The following ADAD1 variants were observed in gnomAD, a reference collection of about 807,000 sequenced individuals.
ADAD1 encodes the protein adenosine deaminase domain containing 1.
ADAD1 carries 46 observed loss-of-function variants against 66.8 expected under a neutral mutation model. The observed-to-expected ratio is 0.69, with a 90% CI of 0.54 to 0.88. The LOEUF (loss-of-function observed/expected upper bound fraction) is 0.88, where lower values mean the gene tolerates loss of function less well. ADAD1 is among the 40% of genes least tolerant of loss of function. The pLI, the probability that ADAD1 is intolerant of heterozygous loss-of-function variation, is 0.00. For missense variants in ADAD1, 617 were observed against 681.8 expected (o/e 0.91, Z 1.06); for synonymous variants, 248 against 229.4 (o/e 1.08, Z -0.73).
chr4:122,390,426 TCTC>T (rs2150543654), intron 5 of ADAD1, among the ~76,000 whole-genome samples: 1 of 152,318 alleles, frequency 6.6e-6, no homozygotes, highest in East Asian at 1.9e-4. Context: ...TTGTGGAAGT[TCTC>T]CTGGATAACA....
chr4:122,380,622 G>A (rs995753453), intron 3 of ADAD1: 1 of 298,160 alleles, frequency 3.4e-6, no homozygotes, highest in African/African-American at 2.2e-5. Flanking sequence ...GAGAAAATGA[G>A]TGGATGGGAG....
chr4:122,417,337 TA>T (rs78147212), intron 11 of ADAD1, among the ~76,000 whole-genome samples: 6,220 of 94,040 alleles, frequency 0.066, 342 homozygotes, highest in African/African-American at 0.2. Context: ...CCTCCATCTT[TA>T]AAAAAAAAAA....
chr4:122,380,268 GAGTC>G (rs764678699), intron 3 of ADAD1, 27 bp downstream of exon 3: 10 of 1,587,446 alleles, frequency 6.3e-6, no homozygotes, highest in Non-Finnish European at 6.0e-6. Flanking sequence ...TTGTAACAAT[GAGTC>G]AGTTCTTTAA....
Position 122,419,302 on chromosome 4 carries a change from C to A in ADAD1, c.1488-1959C>A, listed in dbSNP as rs762106783. 7.4e-4 allele frequency among the ~76,000 whole-genome samples: 113 copies of A among 152,312 alleles called. 1 individual carries two copies. Among genetic ancestry groups the A allele is most frequent in the East Asian group, 3.9e-4 (2 of 5,184 alleles). ...AACAGAAAACCAAATCTCGCATGTT[C>A]TCTCTTATAAGTAGGAGCTAAATGA... On this transcript the variant is annotated intron_variant, in intron 11 of 12. Transcript: ENST00000296513.
chr4:122,383,432 G>A (rs577269579), intron 4 of ADAD1, among the ~76,000 whole-genome samples: 101 of 152,304 alleles, frequency 6.6e-4, no homozygotes, highest in Middle Eastern at 3.4e-3. Context: ...AAAGATGTGA[G>A]ATGTTACGTG....
chr4:122,393,876 C>A (rs1481594470), intron 6 of ADAD1, among the ~76,000 whole-genome samples: 1 of 151,608 alleles, frequency 6.6e-6, no homozygotes, highest in African/African-American at 2.4e-5. Flanking sequence ...TTTTTTTTTC[C>A]TATAAGGAGA....
chr4:122,429,065 T>C (rs1193124585), intron 12 of ADAD1, among the ~76,000 whole-genome samples: 1 of 151,972 alleles, frequency 6.6e-6, no homozygotes, highest in Non-Finnish European at 1.5e-5. Flanking sequence ...TCCTTCTTTA[T>C]ATTTTGTCTG....
chr4:122,426,140 T>A (rs1226139700), intron 12 of ADAD1, among the ~76,000 whole-genome samples: 2 of 152,022 alleles, frequency 1.3e-5, no homozygotes, highest in African/African-American at 4.8e-5. Flanking sequence ...TAACACAAAT[T>A]ATCAAAATCT....
At chr4:122,412,082 A>G (rs562405428) in intron 9 of ADAD1, among the ~76,000 whole-genome samples, 1 of 152,290 alleles carries the variant, frequency 6.6e-6, no homozygotes, top group South Asian at 2.1e-4. Context: ...CTGACCATCT[A>G]GTGGTAAACA....
At chr4:122,384,320 G>C (rs541932421) in intron 5 of ADAD1, among the ~76,000 whole-genome samples, 1 of 152,294 alleles carries the variant, frequency 6.6e-6, no homozygotes, top group African/African-American at 2.4e-5. Context: ...CGTTTGTGAA[G>C]TTTATGTTAA....
intron 12 of ADAD1, among the ~76,000 whole-genome samples, chr4:122,425,836 C>A (rs1230687951): frequency 6.6e-6 from 1 of 151,676 alleles, no homozygotes; most frequent in Non-Finnish European, 1.5e-5. Context: ...CCCATGGATA[C>A]CAAGGAATGA....
intron 11 of ADAD1, among the ~76,000 whole-genome samples, chr4:122,420,314 G>C (rs918811255): frequency 6.6e-6 from 1 of 152,134 alleles, no homozygotes; most frequent in African/African-American, 2.4e-5. Context: ...GGATTTTCTT[G>C]GGCTTTCCCA....
In ADAD1 at chr4:122,407,957, C is replaced by T. The variant is rs1796292234; in HGVS notation, c.774C>T (p.Ser258=). 6.2e-7 allele frequency: 1 copy of T among 1,613,616 alleles called. No individual in the cohort carries two copies. The highest frequency in any genetic ancestry group is 8.5e-7 in the Non-Finnish European group (1 of 1,179,802). The change falls in exon 8 of 13, where the codon AGC becomes AGT. Residue 258 remains serine, a synonymous_variant. Transcript: ENST00000296513. ...TAGGCACAGGTGAATACAATTACAG[C>T]CAGGACATTAAGCCAGATGGAAGAG... ...VAIGTGEYNY[S]QDIKPDGRVL... is the part of the protein sequence containing the mutation.
chr4:122,414,829 T>C (rs1045493933), intron 10 of ADAD1, among the ~76,000 whole-genome samples: 4 of 152,182 alleles, frequency 2.6e-5, no homozygotes, highest in Admixed American at 6.5e-5. Flanking sequence ...TCTCCTTCAA[T>C]AATTATTATA....
chr4:122,424,052 A>G (rs563400404), intron 12 of ADAD1, among the ~76,000 whole-genome samples: 56 of 152,376 alleles, frequency 3.7e-4, no homozygotes, highest in Middle Eastern at 3.4e-3. Flanking sequence ...CCCAAAGGGC[A>G]GTATAATGGC....
At chr4:122,418,344 C>T (rs570318111) in intron 11 of ADAD1, among the ~76,000 whole-genome samples, 24 of 124,366 alleles carry the variant, frequency 1.9e-4, no homozygotes, top group Non-Finnish European at 3.7e-4. Flanking sequence ...GAGTCTTGCT[C>T]TGTCGCCCAG....
chr4:122,397,558 C>A (rs940440430), intron 7 of ADAD1, among the ~76,000 whole-genome samples: 10 of 152,042 alleles, frequency 6.6e-5, no homozygotes, highest in African/African-American at 2.4e-4. Flanking sequence ...AATATTTAAA[C>A]AATAATTGAC....
rs548015591 is a variant in ADAD1 at position 122,423,499 on chromosome 4, T to C, written c.1617+2109T>C. 1.4e-4 allele frequency among the ~76,000 whole-genome samples: 22 copies of C among 152,342 alleles called. No individual in the cohort carries two copies. In the East Asian group the frequency reaches 4.1e-3, roughly 28 times the overall value. The stretch of plus-strand genomic sequence containing the variant: ...TGACTGTAACATTCAGTACATTCTC[T>C]TTCACATACAAGTTGATCAGAAGAT... On this transcript the variant is annotated intron_variant, in intron 12 of 12. Transcript: ENST00000296513.
In ADAD1 at chr4:122,421,308, C is replaced by G; in HGVS notation, c.1535C>G (p.Ala512Gly). 1 of 1,606,004 alleles carries G rather than the reference C, an allele frequency of 6.2e-7. No individual in the cohort carries two copies. The highest frequency in any genetic ancestry group is 8.5e-7 in the Non-Finnish European group (1 of 1,174,498). The change falls in exon 12 of 13, where the codon GCT becomes GGT. Residue 512 changes from alanine (A) to glycine (G), a missense_variant. Physicochemically the swap from Ala to Gly is moderately conservative, Grantham distance 60. Transcript: ENST00000296513. ...GMSMASRLCKAAMLSRFNLLA... is the reference protein window; with the variant it reads ...GMSMASRLCKGAMLSRFNLLA... ...TCAATGGCAAGTCGGCTTTGTAAGG[C>G]TGCAATGTTAAGTCGGTTTAACCTG...
Sources: allele counts gnomAD v4.1 joint callset (sites outside exome capture counted in the v4.1 genomes callset), GRCh38; gene constraint gnomAD v4.1.1; transcripts MANE v1.5; gene names NCBI Gene and HGNC (gene_info 2026-07-23, HGNC 2026-07-21).